PIP: variants seen among roughly 807,000 people sequenced by gnomAD.
The protein encoded by PIP is prolactin-inducible protein.
Under a neutral mutation model 12.8 loss-of-function variants are expected in PIP, and 9 were observed. The observed-to-expected ratio is 0.70, with a 90% confidence interval of 0.42 to 1.23. The LOEUF is 1.23. Among genes scored for constraint, PIP ranks in the 50% most tolerant of loss-of-function variants. The pLI is 0.00. For synonymous variants in PIP, 60 were observed against 66.1 expected (o/e 0.91, Z 0.45); for missense variants, 172 against 179.5 (o/e 0.96, Z 0.24).
intron 1 of PIP, 119 bp from the exon 2 acceptor site, chr7:143,135,075 C>T (rs755305202): frequency 1.3e-5 from 7 of 546,306 alleles, no homozygotes; most frequent in Non-Finnish European, 2.4e-5. Context: ...ACAATTGATC[C>T]AAGCCCCATA....
chr7:143,136,532 T>C (rs768749870), intron 2 of PIP, among the ~76,000 whole-genome samples: 5 of 152,076 alleles, frequency 3.3e-5, no homozygotes, highest in Non-Finnish European at 2.9e-5. Context: ...ACATGTACAC[T>C]AATTTGGGGT....
chr7:143,136,654 ATGG>A (rs140239559), intron 2 of PIP, among the ~76,000 whole-genome samples: 1,994 of 152,184 alleles, frequency 0.013, 53 homozygotes, highest in African/African-American at 0.044. Context: ...TTTTGTGAAA[ATGG>A]TGGTTTCTGG....
intron 1 of PIP, among the ~76,000 whole-genome samples, chr7:143,133,240 T>C (rs1799262951): frequency 6.6e-6 from 1 of 152,046 alleles, no homozygotes; most frequent in Non-Finnish European, 1.5e-5. Context: ...CAACCCATTC[T>C]GGAAAAGACC....
At chr7:143,137,687 G>T (rs926322016) in intron 2 of PIP, among the ~76,000 whole-genome samples, 1 of 152,044 alleles carries the variant, frequency 6.6e-6, no homozygotes, top group Non-Finnish European at 1.5e-5. Flanking sequence ...ATCACCTGAG[G>T]TCAGGAGTTC....
chr7:143,134,230 ATAT>A lies in PIP; in HGVS notation c.96-963_96-961del, dbSNP rs1563015887. 2.4e-3 allele frequency among the ~76,000 whole-genome samples: 192 copies of A among 81,458 alleles called. 8 individuals are homozygous for A. Among genetic ancestry groups the A allele is most frequent in the African/African-American group, 6.7e-3 (145 of 21,568 alleles). 53.4% of individuals were successfully genotyped at this position (81,458 alleles called of 152,430 possible). On this transcript the variant is annotated intron_variant, in intron 1 of 3. Transcript: ENST00000291009. ...TATATATATATATATATATATATAT[ATAT>A]ACCACAGTTTCTTTATCCACTCGTT... is the stretch of plus-strand genomic sequence containing the variant.
In PIP at chr7:143,133,490, A is replaced by G. The variant is rs565882690; in HGVS notation, c.95+1279A>G. Among the ~76,000 whole-genome samples the G allele has an allele frequency of 5.5e-4, 83 of 152,232 alleles. 2 individuals carry two copies. The South Asian group carries it at 0.016, about 30-fold the overall frequency. Reference sequence around the variant, plus strand: ...AAGAATCTCAATTCCCTTCTGTCCCACACAATAACAAAGGTCCGTAGCCGG... The same window carrying G: ...AAGAATCTCAATTCCCTTCTGTCCCGCACAATAACAAAGGTCCGTAGCCGG... On this transcript the variant is annotated intron_variant, in intron 1 of 3. Transcript: ENST00000291009.
chr7:143,137,698 G>C (rs149763165), intron 2 of PIP, among the ~76,000 whole-genome samples: 1 of 151,950 alleles, frequency 6.6e-6, no homozygotes, highest in African/African-American at 2.4e-5. Context: ...TCAGGAGTTC[G>C]AGACCAGCTT....
chr7:143,137,664 C>A (rs1482052417), intron 2 of PIP, among the ~76,000 whole-genome samples: 1 of 151,992 alleles, frequency 6.6e-6, no homozygotes. Flanking sequence ...CTTTGGGAGG[C>A]CAAAGTGGGC....
chr7:143,133,659 A>G (rs974415953), intron 1 of PIP, among the ~76,000 whole-genome samples: 3 of 152,034 alleles, frequency 2.0e-5, no homozygotes, highest in East Asian at 3.9e-4. Flanking sequence ...AGTAGTATCT[A>G]AAGTTCCCAA....
chr7:143,139,456 G>A, intron 3 of PIP, 62 bp from the exon 4 acceptor site: 1 of 1,592,350 alleles, frequency 6.3e-7, no homozygotes, highest in Non-Finnish European at 8.6e-7. Context: ...CCTGATATGA[G>A]TAGAAAAGAC....
chr7:143,134,233 T>TATATAAAA lies in PIP; in HGVS notation c.96-960_96-959insTATAAAAA, dbSNP rs1277832613. 3.1e-4 allele frequency among the ~76,000 whole-genome samples: 27 copies of TATATAAAA among 86,380 alleles called. 3 individuals carry two copies. The highest frequency in any genetic ancestry group is 1.2e-3 in the African/African-American group (25 of 21,542). The allele number at this position is 86,380 out of a possible 152,430, so 56.7% of individuals were successfully genotyped here. On this transcript the variant is annotated intron_variant, in intron 1 of 3. Coordinates refer to ENST00000291009, the MANE Select transcript of PIP (RefSeq NM_002652.3). ...ATATATATATATATATATATATATA[T>TATATAAAA]ACCACAGTTTCTTTATCCACTCGTT...
intron 1 of PIP, among the ~76,000 whole-genome samples, chr7:143,133,028 G>A (rs1336300936): frequency 3.3e-5 from 5 of 151,994 alleles, no homozygotes; most frequent in African/African-American, 4.8e-5. Context: ...CTAATGTAAT[G>A]GAGGCAAGTG....
intron 2 of PIP, among the ~76,000 whole-genome samples, chr7:143,135,664 C>T (rs1028506748): frequency 6.6e-6 from 1 of 152,016 alleles, no homozygotes; most frequent in Non-Finnish European, 1.5e-5. Flanking sequence ...GAAGAGAAAG[C>T]AGCAACTCCA....
chr7:143,139,198 A>G lies in PIP; in HGVS notation c.316+9A>G. ...GGACTTTTACACCAACAGTAAGTAC[A>G]GAAGTTGTCCAAGGAGGGAACTACC... is the stretch of plus-strand genomic sequence containing the variant. On this transcript the variant is annotated intron_variant, in intron 3 of 3. Coordinates refer to ENST00000291009, the MANE Select transcript of PIP (RefSeq NM_002652.3). 1 of 1,467,716 alleles carries G rather than the reference A, an allele frequency of 6.8e-7. No individual in the cohort carries two copies. Among genetic ancestry groups the G allele is most frequent in the Non-Finnish European group, 9.6e-7 (1 of 1,045,888 alleles). The allele number at this position is 1,467,716 out of a possible 1,614,324, so 90.9% of individuals were successfully genotyped here.
intron 1 of PIP, among the ~76,000 whole-genome samples, chr7:143,133,466 A>C (rs950731232): frequency 6.6e-6 from 1 of 152,130 alleles, no homozygotes; most frequent in Admixed American, 6.5e-5. Context: ...CTGTGGGCTA[A>C]GAATCTCAAT....
chr7:143,139,452 A>G (rs1407702554), intron 3 of PIP, 66 bp from the exon 4 acceptor site: 1 of 1,581,316 alleles, frequency 6.3e-7, no homozygotes, highest in Non-Finnish European at 8.7e-7. Flanking sequence ...GATGCCTGAT[A>G]TGAGTAGAAA....
chr7:143,134,209 T>C (rs1400708611), intron 1 of PIP, among the ~76,000 whole-genome samples: 5 of 128,228 alleles, frequency 3.9e-5, no homozygotes, highest in Non-Finnish European at 8.3e-5. Flanking sequence ...TATATATATA[T>C]ATATATATAT....
At chr7:143,138,646 A>C (rs1329197371) in intron 2 of PIP, among the ~76,000 whole-genome samples, 1 of 152,138 alleles carries the variant, frequency 6.6e-6, no homozygotes, top group Non-Finnish European at 1.5e-5. Flanking sequence ...GCTTGGTCAC[A>C]GCTCTGACAA....
rs936516078 is a variant in PIP at position 143,132,098 on chromosome 7, G to C, written c.-19G>C. The C allele has an allele frequency of 6.2e-7, 1 of 1,612,738 alleles. No individual in the cohort carries two copies. The highest frequency in any genetic ancestry group is 8.5e-7 in the Non-Finnish European group (1 of 1,178,996). On this transcript the variant is annotated 5_prime_UTR_variant, in exon 1 of 4. Coordinates refer to ENST00000291009, the MANE Select transcript of PIP (RefSeq NM_002652.3). Reference sequence around the variant, plus strand: ...GGACACCACTTCTCTGGGACACATTGCCTTCTGTTTTCTCCAGCATGCGCT... The same window carrying C: ...GGACACCACTTCTCTGGGACACATTCCCTTCTGTTTTCTCCAGCATGCGCT...
Sources: gnomAD v4.1 joint callset for allele counts (sites outside exome capture counted in the v4.1 genomes callset) on GRCh38, gnomAD v4.1.1 for gene constraint, MANE v1.5 for transcripts, NCBI Gene and HGNC (gene_info 2026-07-23, HGNC 2026-07-21) for gene names.